TBC1D15: variants seen among roughly 807,000 people sequenced by gnomAD.
TBC1D15 encodes TBC1 domain family member 15.
Under a neutral mutation model 95.4 loss-of-function variants are expected in TBC1D15, and 39 were observed. The observed-to-expected ratio is 0.41, with a 90% CI of 0.32 to 0.53. The LOEUF (loss-of-function observed/expected upper bound fraction) is 0.53, where lower values mean the gene tolerates loss of function less well. Ranked by LOEUF, TBC1D15 falls within the 20% of genes least tolerant of loss-of-function variation. The pLI is 0.29. For missense variants in TBC1D15, 733 were observed against 794.3 expected, an observed-to-expected ratio of 0.92 and a Z score of 0.93; for synonymous variants, 258 against 261.3, an observed-to-expected ratio of 0.99 and a Z score of 0.12.
At chr12:71,920,937 A>G in intron 15 of TBC1D15, 90 bp downstream of exon 15, 3 of 882,816 alleles carry the variant, frequency 3.4e-6, no homozygotes, top group Non-Finnish European at 5.3e-6. Context: ...ACATTATTAA[A>G]TCTCTTGAGT....
rs547818452 is a variant in TBC1D15 at position 71,891,192 on chromosome 12, T to G, written c.555-2030T>G. Reference sequence around the variant, plus strand: ...AAATATAAAATAGTTACTGCTACATTTGGGTATACAAGCATTGTTCAGTTT... The same window carrying G: ...AAATATAAAATAGTTACTGCTACATGTGGGTATACAAGCATTGTTCAGTTT... On this transcript the variant is annotated intron_variant, in intron 5 of 16. Coordinates refer to ENST00000485960, the MANE Select transcript of TBC1D15 (RefSeq NM_001146213.3). Among the ~76,000 whole-genome samples the G allele has an allele frequency of 5.9e-5, 9 of 152,312 alleles. No homozygotes were observed. In the South Asian group the frequency reaches 1.7e-3, roughly 28 times the overall value.
intron 1 of TBC1D15, among the ~76,000 whole-genome samples, chr12:71,840,032 G>A (rs1884519084): frequency 6.6e-6 from 1 of 152,150 alleles, no homozygotes; most frequent in African/African-American, 2.4e-5. Flanking sequence ...GCTAGGCCTC[G>A]GCGCTCTTCT....
intron 5 of TBC1D15, among the ~76,000 whole-genome samples, chr12:71,886,159 C>G (rs1464303703): frequency 6.6e-6 from 1 of 152,054 alleles, no homozygotes; most frequent in African/African-American, 2.4e-5. Flanking sequence ...AGGTTTTGGG[C>G]TTGGGGGAAC....
chr12:71,884,017 T>C (rs761720657), intron 4 of TBC1D15, among the ~76,000 whole-genome samples: 69 of 152,272 alleles, frequency 4.5e-4, no homozygotes, highest in South Asian at 8.3e-4. Context: ...ATAACTATAA[T>C]TTGGTTTGAA....
intron 1 of TBC1D15, among the ~76,000 whole-genome samples, chr12:71,858,150 G>A (rs975594636): frequency 5.3e-5 from 8 of 151,744 alleles, no homozygotes; most frequent in East Asian, 3.9e-4. Flanking sequence ...TCGGCTCACC[G>A]CAGCCTCCAT....
chr12:71,916,913 A>G (rs1028974391), intron 12 of TBC1D15, among the ~76,000 whole-genome samples: 6 of 152,174 alleles, frequency 3.9e-5, no homozygotes, highest in African/African-American at 1.4e-4. Flanking sequence ...TATGTGGGTT[A>G]TATCTGTTGA....
chr12:71,857,242 G>A (rs1326172676), intron 1 of TBC1D15, among the ~76,000 whole-genome samples: 5 of 151,972 alleles, frequency 3.3e-5, no homozygotes, highest in African/African-American at 7.3e-5. Context: ...GAGACACTGC[G>A]GCTGCCCAGA....
intron 10 of TBC1D15, among the ~76,000 whole-genome samples, chr12:71,904,740 T>A (rs1195796218): frequency 6.6e-6 from 1 of 152,202 alleles, no homozygotes; most frequent in African/African-American, 2.4e-5. Flanking sequence ...CCTGTGAAAG[T>A]TCTCTCATAG....
intron 11 of TBC1D15, 93 bp from the exon 12 acceptor site, chr12:71,913,733 A>T: frequency 1.3e-6 from 1 of 782,124 alleles, no homozygotes. Flanking sequence ...GGAGAAAGAT[A>T]CAATTTTAAG....
intron 1 of TBC1D15, among the ~76,000 whole-genome samples, chr12:71,852,391 C>G (rs1056179611): frequency 1.3e-5 from 2 of 152,234 alleles, no homozygotes; most frequent in Admixed American, 1.3e-4. Context: ...GGCCTTTTCC[C>G]CATTGTCTTG....
rs746770102 is a variant in TBC1D15, at chr12:71,923,525, A to C, written c.*321A>C. ...AAATTATGCACTTTGAAAAACATTC[A>C]CTTTGTTTAAGCTTATTGGGTTTCA... On this transcript the variant is annotated 3_prime_UTR_variant, in exon 17 of 17. Coordinates refer to ENST00000485960, the MANE Select transcript of TBC1D15 (RefSeq NM_001146213.3). The C allele has an allele frequency of 4.3e-6, 1 of 235,080 alleles. No individual in the cohort carries two copies. The highest frequency in any genetic ancestry group is 8.3e-6 in the Non-Finnish European group (1 of 119,764). The allele number at this position is 235,080 out of a possible 1,614,324, so 14.6% of individuals were successfully genotyped here. A position where few individuals can be genotyped will look rare whatever the true frequency, so the allele number is the denominator to read the frequency against.
intron 1 of TBC1D15, among the ~76,000 whole-genome samples, chr12:71,843,620 G>T (rs1885612009): frequency 6.6e-6 from 1 of 152,012 alleles, no homozygotes; most frequent in African/African-American, 2.4e-5. Flanking sequence ...TACAAGGGTG[G>T]TTAAACACAG....
chr12:71,919,019 G>C (rs1039198673), intron 14 of TBC1D15, among the ~76,000 whole-genome samples: 1 of 152,086 alleles, frequency 6.6e-6, no homozygotes, highest in Non-Finnish European at 1.5e-5. Flanking sequence ...GGTTTGGTGT[G>C]TGAATGATTC....
chr12:71,921,509 C>G, intron 16 of TBC1D15, 55 bp downstream of exon 16: 1 of 1,097,434 alleles, frequency 9.1e-7, no homozygotes, highest in South Asian at 2.2e-5. Context: ...GGGTTGAGAT[C>G]AAGAAAGATT....
At chr12:71,877,210 G>GTTTTTTT (rs370164812) in intron 3 of TBC1D15, among the ~76,000 whole-genome samples, 1 of 133,874 alleles carries the variant, frequency 7.5e-6, no homozygotes, top group African/African-American at 2.8e-5. Context: ...GTGTGTGTGT[G>GTTTTTTT]TTTTTTTTTT....
chr12:71,922,517 T>C (rs141382941), intron 16 of TBC1D15, among the ~76,000 whole-genome samples: 4 of 152,196 alleles, frequency 2.6e-5, no homozygotes. Context: ...TTATGAAAAT[T>C]CTTGCTTGGT....
chr12:71,913,780 A>T, intron 11 of TBC1D15, 46 bp from the exon 12 acceptor site: 2 of 1,312,036 alleles, frequency 1.5e-6, no homozygotes, highest in Non-Finnish European at 1.1e-6. Flanking sequence ...GCAGAAGGTT[A>T]CATAAAACTT....
At position 71,908,267 on chromosome 12, in the gene TBC1D15, A is replaced by T. The variant is rs145804782; in HGVS notation, c.1300+1129A>T. Among the ~76,000 whole-genome samples the T allele has an allele frequency of 7.1e-3, 1,081 of 152,336 alleles. 3 individuals carry two copies. Among genetic ancestry groups the T allele is most frequent in the Admixed American group, 0.012 (181 of 15,298 alleles). On this transcript the variant is annotated intron_variant, in intron 11 of 16. Transcript: ENST00000485960. ...GAAAACTTAAGGAACCATTATTTTA[A>T]GGGGCAAGAGAACTTAAGATATTTA...
intron 5 of TBC1D15, 91 bp downstream of exon 5, chr12:71,885,112 A>T (rs1895984026): frequency 8.0e-7 from 1 of 1,256,674 alleles, no homozygotes; most frequent in East Asian, 2.5e-5. Flanking sequence ...GGCATCAGTG[A>T]CCTATTTGCA....
Sources: allele counts gnomAD v4.1 joint callset (sites outside exome capture counted in the v4.1 genomes callset), GRCh38; gene constraint gnomAD v4.1.1; transcripts MANE v1.5; gene names NCBI Gene and HGNC (gene_info 2026-07-23, HGNC 2026-07-21).